Variants in CBLC observed in about 807,000 individuals in gnomAD.
CBLC encodes the protein Cbl proto-oncogene C.
Under a neutral mutation model 58.6 loss-of-function variants are expected in CBLC, and 46 were observed. That is an observed-to-expected ratio of 0.79 (90% confidence interval 0.62 to 1.00). The LOEUF is 1.00. Among genes scored for constraint, CBLC ranks in the 50% least tolerant of loss-of-function variants. CBLC has a pLI of 0.00. For missense variants in CBLC, 655 were observed against 625.8 expected (o/e 1.05, Z -0.50); for synonymous variants, 271 against 264.2 (o/e 1.03, Z -0.25).
chr19:44,777,974 G>C lies in CBLC; in HGVS notation c.43G>C (p.Ala15Pro). The change falls in exon 1 of 11, where the codon GCC (alanine) becomes CCC (proline). Residue 15 changes from alanine (A) to proline (P), a missense_variant. This residue lies in a region of CBLC where 280 missense variants were observed against 237.2 expected (regional missense o/e 1.18). Coordinates refer to ENST00000647358, the MANE Select transcript of CBLC (RefSeq NM_012116.4). Reference sequence around the variant, plus strand: ...CCCGTGGGGGCGACAGTGGGAAGAGGCCCGCGCCCTGGGCCGGGCAGTCAG... The same window carrying C: ...CCCGTGGGGGCGACAGTGGGAAGAGCCCCGCGCCCTGGGCCGGGCAGTCAG... ...VAPWGRQWEE[A>P]RALGRAVRML... is the part of the protein sequence containing the mutation. 6.2e-7 allele frequency: 1 copy of C among 1,606,038 alleles called. No homozygotes were observed. The highest frequency in any genetic ancestry group is 8.5e-7 in the Non-Finnish European group (1 of 1,178,688).
At chr19:44,792,316 G>A in intron 6 of CBLC, 67 bp from the exon 7 acceptor site, 2 of 1,583,864 alleles carry the variant, frequency 1.3e-6, no homozygotes, top group South Asian at 2.2e-5. Context: ...TTCTTCCTGT[G>A]GCCCAAGTTG....
At chr19:44,790,580 G>A (rs949335321) in intron 6 of CBLC, among the ~76,000 whole-genome samples, 12 of 151,978 alleles carry the variant, frequency 7.9e-5, no homozygotes, top group African/African-American at 2.4e-4. Flanking sequence ...GAGTACAGGT[G>A]TGAGCCACTG....
intron 9 of CBLC, among the ~76,000 whole-genome samples, chr19:44,798,713 G>A (rs1968228034): frequency 6.6e-6 from 1 of 152,076 alleles, no homozygotes. Flanking sequence ...TCTAGCCTGG[G>A]CGACGGTGCA....
intron 9 of CBLC, among the ~76,000 whole-genome samples, chr19:44,795,252 C>T (rs188076208): frequency 1.6e-4 from 25 of 151,740 alleles, no homozygotes; most frequent in African/African-American, 3.1e-4. Flanking sequence ...CCACCATGCC[C>T]GGCCTGCAAT....
intron 4 of CBLC, among the ~76,000 whole-genome samples, chr19:44,783,392 C>T (rs911002862): frequency 2.6e-5 from 4 of 152,110 alleles, no homozygotes; most frequent in African/African-American, 9.7e-5. Context: ...ACCTGTAATC[C>T]CAGCTACTTG....
rs1042243419 is a variant in CBLC, at chr19:44,784,963, T to G, written c.917+562T>G. ...TGCTAGACAGGTGTTTTTTTTTTTT[T>G]TTTTTTTTTTTTTTTTTTTTTTTTT... On this transcript the variant is annotated intron_variant, in intron 5 of 10. Coordinates refer to ENST00000647358, the MANE Select transcript of CBLC (RefSeq NM_012116.4). Among the ~76,000 whole-genome samples, 352 of 107,668 alleles carry G rather than the reference T, an allele frequency of 3.3e-3. 18 individuals are homozygous for G. The highest frequency in any genetic ancestry group is 0.012 in the African/African-American group (313 of 25,942). The allele number at this position is 107,668 out of a possible 152,430, so 70.6% of individuals were successfully genotyped here. A position where few individuals can be genotyped will look rare whatever the true frequency, so the allele number is the denominator to read the frequency against.
chr19:44,800,442 G>T lies in CBLC; in HGVS notation c.1424G>T (p.Ter475LeuextTer20). The T allele has an allele frequency of 6.2e-7, 1 of 1,610,046 alleles. No homozygotes were observed. The highest frequency in any genetic ancestry group is 8.5e-7 in the Non-Finnish European group (1 of 1,176,506). ...GGACCCCAGGACCCTGCCCCGGCCT[G>T]AAGGCCAGGTGAGTCCATTCCCTAA... is the stretch of plus-strand genomic sequence containing the variant. ...ALGPQDPAPA[*>L] The change falls in exon 10 of 11, where the codon TGA becomes TTA. Residue 475 changes from the stop codon to leucine (L), a stop_lost. Transcript: ENST00000647358.
intron 3 of CBLC, among the ~76,000 whole-genome samples, chr19:44,781,607 A>G (rs1461432437): frequency 1.0e-4 from 8 of 78,762 alleles, no homozygotes; most frequent in African/African-American, 2.3e-4. Flanking sequence ...GGGGCTGGGG[A>G]CCTGGACTCC....
chr19:44,794,367 AGGGC>A, intron 9 of CBLC, 86 bp downstream of exon 9: 1 of 1,303,990 alleles, frequency 7.7e-7, no homozygotes, highest in Non-Finnish European at 1.1e-6. Context: ...CAGGGGTGCC[AGGGC>A]AGGGACTCAT....
At chr19:44,787,043 C>G (rs1967926838) in intron 5 of CBLC, among the ~76,000 whole-genome samples, 1 of 152,112 alleles carries the variant, frequency 6.6e-6, no homozygotes, top group Non-Finnish European at 1.5e-5. Context: ...CAAGATCACG[C>G]CTCTGCATTC....
At chr19:44,783,750 C>G (rs951229326) in intron 4 of CBLC, among the ~76,000 whole-genome samples, 1 of 152,162 alleles carries the variant, frequency 6.6e-6, no homozygotes, top group African/African-American at 2.4e-5. Flanking sequence ...TCCAGGTGCT[C>G]AATGGCTACT....
In CBLC at chr19:44,782,446, A is replaced by G. The variant is rs779208700; in HGVS notation, c.734A>G (p.Asp245Gly). ...HPGYMAFLTYDEVQERLQACR... is the reference protein window; with the variant it reads ...HPGYMAFLTYGEVQERLQACR... ...GGCTACATGGCCTTCCTCACCTATG[A>G]TGAGGTCCAAGAGCGTCTGCAGGCC... The change falls in exon 4 of 11, where the codon GAT (aspartate) becomes GGT (glycine). Residue 245 changes from aspartate (D) to glycine (G), a missense_variant. By Grantham distance (94) the Asp-to-Gly change is moderately conservative. This residue lies in a region of CBLC where 371 missense variants were observed against 370.8 expected (regional missense o/e 1.00). Coordinates refer to ENST00000647358, the MANE Select transcript of CBLC (RefSeq NM_012116.4). 5 of 1,613,708 alleles carry G rather than the reference A, an allele frequency of 3.1e-6. No individual in the cohort carries two copies. Among genetic ancestry groups the G allele is most frequent in the Non-Finnish European group, 4.2e-6 (5 of 1,179,770 alleles).
At position 44,780,968 on chromosome 19, in the gene CBLC, C is replaced by T. The variant is rs981330867; in HGVS notation, c.417C>T (p.Phe139=). Residue 139 remains phenylalanine, a synonymous_variant, in exon 2 of 11, where the codon TTC becomes TTT. Coordinates refer to ENST00000647358, the MANE Select transcript of CBLC (RefSeq NM_012116.4). The part of the protein sequence containing the change: ...SHMHAELHAL[F]PGGKYCGHMY... ...TGCACGCAGAGCTGCACGCACTCTT[C>T]CCCGGGGGAAAGTACTGTGGACACA... The T allele has an allele frequency of 2.5e-6, 4 of 1,613,542 alleles. No homozygotes were observed. The highest frequency in any genetic ancestry group is 1.7e-5 in the Admixed American group (1 of 60,018).
intron 6 of CBLC, among the ~76,000 whole-genome samples, chr19:44,790,354 C>T (rs1201625528): frequency 6.6e-6 from 1 of 152,174 alleles, no homozygotes; most frequent in Non-Finnish European, 1.5e-5. Flanking sequence ...CATTTGCCAG[C>T]AATAGCCCCG....
chr19:44,796,470 G>A (rs1484318225), intron 9 of CBLC, among the ~76,000 whole-genome samples: 2 of 152,002 alleles, frequency 1.3e-5, no homozygotes, highest in Non-Finnish European at 2.9e-5. Context: ...TGCAACCTCC[G>A]CCTCTGGGGT....
chr19:44,800,246 C>T (rs1968265584), intron 9 of CBLC, 135 bp from the exon 10 acceptor site: 1 of 637,658 alleles, frequency 1.6e-6, no homozygotes, highest in Non-Finnish European at 2.9e-6. Flanking sequence ...GTGGCCTCAG[C>T]CGCGCAGGAA....
In CBLC at chr19:44,782,424, T is replaced by C. The variant is rs757478241; in HGVS notation, c.712T>C (p.Tyr238His). ...WQLLAVNHPG[Y>H]MAFLTYDEVQ... is the part of the protein sequence containing the mutation. ...GCTCCTGGCAGTCAACCACCCAGGCTACATGGCCTTCCTCACCTATGATGA... is the reference window on the plus strand; with the variant it reads ...GCTCCTGGCAGTCAACCACCCAGGCCACATGGCCTTCCTCACCTATGATGA... Residue 238 changes from tyrosine (Y) to histidine (H), a missense_variant, in exon 4 of 11, where the codon TAC becomes CAC. Around this residue, in one of 3 missense-constraint regions of CBLC, gnomAD observed 371 missense variants for 370.8 expected, o/e 1.00. Transcript: ENST00000647358. 1.4e-5 allele frequency: 22 copies of C among 1,613,822 alleles called. No individual in the cohort carries two copies. Among genetic ancestry groups the C allele is most frequent in the Non-Finnish European group, 1.8e-5 (21 of 1,179,848 alleles).
intron 5 of CBLC, among the ~76,000 whole-genome samples, chr19:44,788,968 T>C (rs573013333): frequency 6.6e-6 from 1 of 152,208 alleles, no homozygotes; most frequent in Non-Finnish European, 1.5e-5. Flanking sequence ...CCTGCACTGC[T>C]CCACATGACA....
Position 44,794,247 on chromosome 19 carries a change from C to T in CBLC, c.1328C>T (p.Pro443Leu). ...CCATTGCCCCCACGGCCAGATCTGC[C>T]CCCCAGGAAGCCCAGAAATGCCCAG... is the stretch of plus-strand genomic sequence containing the variant. ...APPLPPRPDL[P>L]PRKPRNAQPK... is the part of the protein sequence containing the mutation. The change falls in exon 9 of 11, where the codon CCC (proline) becomes CTC (leucine). Residue 443 changes from proline (P) to leucine (L), a missense_variant. Pro to Leu is a moderately conservative substitution (Grantham distance 98). This residue lies in a region of CBLC where 371 missense variants were observed against 370.8 expected (regional missense o/e 1.00). Transcript: ENST00000647358. The T allele has an allele frequency of 6.2e-7, 1 of 1,613,082 alleles. No homozygotes were observed. Among genetic ancestry groups the T allele is most frequent in the Non-Finnish European group, 8.5e-7 (1 of 1,179,548 alleles).
Sources: allele counts gnomAD v4.1 joint callset (sites outside exome capture counted in the v4.1 genomes callset), GRCh38; gene constraint gnomAD v4.1.1; regional missense constraint gnomAD v4.1.1; transcripts MANE v1.5; gene names NCBI Gene and HGNC (gene_info 2026-07-23, HGNC 2026-07-21).